CA10: variants seen among roughly 807,000 people sequenced by gnomAD.
CA10 encodes the protein carbonic anhydrase 10 (inactive).
CA10 carries 14 observed loss-of-function variants against 44.2 expected under a neutral mutation model. That is an observed-to-expected ratio of 0.32 (90% CI 0.21 to 0.50). The LOEUF (loss-of-function observed/expected upper bound fraction) is 0.50. CA10 is among the 20% of genes least tolerant of loss of function. The pLI, the probability that CA10 is intolerant of heterozygous loss-of-function variation, is 0.99. For missense variants in CA10, 350 were observed against 409.7 expected (o/e 0.85, Z 1.26); for synonymous variants, 159 against 141.6 (o/e 1.12, Z -0.87).
At chr17:52,050,908 G>A (rs1987046444) in intron 2 of CA10, among the ~76,000 whole-genome samples, 1 of 151,808 alleles carries the variant, frequency 6.6e-6, no homozygotes, top group African/African-American at 2.4e-5. Context: ...GACCATATTT[G>A]TTTTGTTCAC....
At chr17:51,780,676 A>G (rs1313265414) in intron 3 of CA10, among the ~76,000 whole-genome samples, 4 of 152,232 alleles carry the variant, frequency 2.6e-5, no homozygotes, top group African/African-American at 9.6e-5. Flanking sequence ...GCAACTCAAG[A>G]GAGAAAGTGA....
intron 3 of CA10, among the ~76,000 whole-genome samples, chr17:51,779,948 A>G (rs1905986684): frequency 6.6e-6 from 1 of 152,182 alleles, no homozygotes; most frequent in African/African-American, 2.4e-5. Context: ...GCTTTGCCAT[A>G]TGTAGTATCC....
chr17:51,712,911 CTT>C (rs756303647), intron 4 of CA10, among the ~76,000 whole-genome samples: 2 of 152,176 alleles, frequency 1.3e-5, no homozygotes, highest in Non-Finnish European at 2.9e-5. Flanking sequence ...GGGTGAGTGT[CTT>C]TGTCTGCACA....
At chr17:52,144,382 A>G (rs1054292284) in intron 1 of CA10, among the ~76,000 whole-genome samples, 2 of 152,192 alleles carry the variant, frequency 1.3e-5, no homozygotes, top group Non-Finnish European at 2.9e-5. Flanking sequence ...CCAGGGTTCT[A>G]TTTATGCCAC....
intron 2 of CA10, among the ~76,000 whole-genome samples, chr17:52,054,855 G>A (rs1039426998): frequency 3.3e-5 from 5 of 151,968 alleles, no homozygotes; most frequent in African/African-American, 7.2e-5. Context: ...GAGAGAGTAG[G>A]GGTAACAGAT....
At chr17:52,089,193 G>A (rs1988197863) in intron 1 of CA10, among the ~76,000 whole-genome samples, 1 of 152,152 alleles carries the variant, frequency 6.6e-6, no homozygotes, top group Non-Finnish European at 1.5e-5. Context: ...TTACAGAAGT[G>A]TGCAAGAAAT....
intron 3 of CA10, among the ~76,000 whole-genome samples, chr17:51,788,959 T>A (rs1332529337): frequency 6.6e-6 from 1 of 152,230 alleles, no homozygotes; most frequent in Non-Finnish European, 1.5e-5. Context: ...TCCTCTAACA[T>A]TCAATGGCAT....
At chr17:51,655,312 G>A (rs560318751) in intron 4 of CA10, among the ~76,000 whole-genome samples, 1 of 152,208 alleles carries the variant, frequency 6.6e-6, no homozygotes, top group African/African-American at 2.4e-5. Flanking sequence ...ATATCTTTCT[G>A]TAATGGTGTT....
intron 2 of CA10, among the ~76,000 whole-genome samples, chr17:51,949,884 A>G (rs1011226707): frequency 8.5e-5 from 13 of 152,180 alleles, no homozygotes; most frequent in Non-Finnish European, 4.4e-5. Context: ...AACTCAGTCT[A>G]AGGCAGTAGT....
chr17:51,868,256 T>G (rs935183784), intron 3 of CA10, among the ~76,000 whole-genome samples: 11 of 152,202 alleles, frequency 7.2e-5, no homozygotes, highest in Non-Finnish European at 1.3e-4. Context: ...GAAATGGGAA[T>G]TTAAAGGGTT....
intron 1 of CA10, among the ~76,000 whole-genome samples, chr17:52,140,624 T>C (rs1989457586): frequency 6.6e-6 from 1 of 152,230 alleles, no homozygotes; most frequent in African/African-American, 2.4e-5. Context: ...AGTGGGCCAC[T>C]GTTTGTCAGC....
Position 51,695,497 on chromosome 17 carries a change from C to T in CA10, c.466-41761G>A, listed in dbSNP as rs577150827. 1.7e-3 allele frequency among the ~76,000 whole-genome samples: 260 copies of T among 152,132 alleles called. 1 individual carries two copies. The highest frequency in any genetic ancestry group is 5.7e-3 in the African/African-American group (238 of 41,518). On this transcript the variant is annotated intron_variant, in intron 4 of 8. Transcript: ENST00000451037. ...TGAATGTTATCGGTGTATAGAAATGCTATATTTTTGTACATTGATTTTGTA... is the reference window on the plus strand; with the variant it reads ...TGAATGTTATCGGTGTATAGAAATGTTATATTTTTGTACATTGATTTTGTA...
chr17:52,158,209 G>A lies in CA10; in HGVS notation c.-423C>T. ...TCTGGCGCCCCAAGAAGACATAGACGATAGCCCCCCGCCGGGCTGCGCCGT... is the reference window on the plus strand; with the variant it reads ...TCTGGCGCCCCAAGAAGACATAGACAATAGCCCCCCGCCGGGCTGCGCCGT... On this transcript the variant is annotated 5_prime_UTR_variant, in exon 1 of 9. Transcript: ENST00000451037. 2 of 291,402 alleles carry A rather than the reference G, an allele frequency of 6.9e-6. No individual in the cohort carries two copies. Among genetic ancestry groups the A allele is most frequent in the South Asian group, 6.6e-5 (2 of 30,098 alleles). The allele number at this position is 291,402 out of a possible 1,614,324, so 18.1% of individuals were successfully genotyped here. A position where few individuals can be genotyped will look rare whatever the true frequency, so the allele number is the denominator to read the frequency against.
intron 4 of CA10, among the ~76,000 whole-genome samples, chr17:51,719,440 G>A (rs1037244086): frequency 6.6e-5 from 10 of 152,204 alleles, no homozygotes; most frequent in African/African-American, 2.4e-4. Context: ...CCGTAGCCCA[G>A]CATCTAATAC....
chr17:52,110,161 C>T (rs1205321480), intron 1 of CA10, among the ~76,000 whole-genome samples: 2 of 152,182 alleles, frequency 1.3e-5, no homozygotes, highest in African/African-American at 4.8e-5. Context: ...GTCATGTTTT[C>T]CAACTGAATG....
chr17:52,021,926 C>G (rs147088213), intron 2 of CA10, among the ~76,000 whole-genome samples: 2 of 151,954 alleles, frequency 1.3e-5, no homozygotes, highest in Non-Finnish European at 2.9e-5. Context: ...GACTACCAAC[C>G]AAAAAAGGCC....
chr17:52,005,375 T>C (rs1180688563), intron 2 of CA10, among the ~76,000 whole-genome samples: 1 of 151,954 alleles, frequency 6.6e-6, no homozygotes, highest in Admixed American at 6.6e-5. Flanking sequence ...AAACAATGAA[T>C]AATGGATGAC....
chr17:51,823,872 G>C (rs1458447771), intron 3 of CA10, among the ~76,000 whole-genome samples: 1 of 152,148 alleles, frequency 6.6e-6, no homozygotes, highest in South Asian at 2.1e-4. Flanking sequence ...TGACACATTA[G>C]ACATAACTGT....
At chr17:51,707,583 G>A (rs974210671) in intron 4 of CA10, among the ~76,000 whole-genome samples, 5 of 151,860 alleles carry the variant, frequency 3.3e-5, no homozygotes, top group Non-Finnish European at 5.9e-5. Flanking sequence ...ACCAGGGGAG[G>A]AAAGAAGATA....
Sources: gnomAD v4.1 joint callset for allele counts (sites outside exome capture counted in the v4.1 genomes callset) on GRCh38, gnomAD v4.1.1 for gene constraint, MANE v1.5 for transcripts, NCBI Gene and HGNC (gene_info 2026-07-23, HGNC 2026-07-21) for gene names.